Variants in GRM5 observed in about 807,000 individuals in gnomAD.
The protein encoded by GRM5 is glutamate metabotropic receptor 5, also known as metabotropic glutamate receptor 5.
A neutral mutation model predicts 83.1 loss-of-function variants in GRM5; 19 were observed. The ratio of observed to expected loss-of-function variants is 0.23; its 90% CI spans 0.16 to 0.34. The LOEUF is 0.34. GRM5 is among the 10% of genes least tolerant of loss of function. The pLI is 1.00. For synonymous variants in GRM5, 675 were observed against 633.6 expected (o/e 1.07, Z -0.98); for missense variants, 1,160 against 1,588.3 (o/e 0.73, Z 4.58).
chr11:88,604,997 G>A (rs3816649), intron 4 of GRM5, 33 bp from the exon 5 acceptor site: 1,449,768 of 1,582,228 alleles, frequency 0.92, 667,033 homozygotes, highest in Non-Finnish European at 0.94. Context: ...TAGCTTTGAG[G>A]TACAAATCTA....
intron 2 of GRM5, among the ~76,000 whole-genome samples, chr11:89,040,094 T>C (rs1273747168): frequency 6.6e-6 from 1 of 152,090 alleles, no homozygotes; most frequent in Non-Finnish European, 1.5e-5. Context: ...AGAAACTTAG[T>C]CTTGAAAGAA....
intron 3 of GRM5, among the ~76,000 whole-genome samples, chr11:88,822,110 G>T (rs1260687601): frequency 6.6e-6 from 1 of 152,110 alleles, no homozygotes; most frequent in African/African-American, 2.4e-5. Context: ...CATATTTTGT[G>T]AGCAACTGCC....
intron 8 of GRM5, among the ~76,000 whole-genome samples, chr11:88,535,173 G>A (rs1401781575): frequency 2.0e-5 from 3 of 152,032 alleles, no homozygotes; most frequent in Non-Finnish European, 4.4e-5. Context: ...CCTTTGCATT[G>A]TCACATTCTT....
rs986712831 is a variant in GRM5 at position 88,505,596 on chromosome 11, G to A, written c.*2996C>T. The A allele has an allele frequency of 3.9e-5, 6 of 152,098 alleles. No individual in the cohort carries two copies. Among genetic ancestry groups the A allele is most frequent in the Admixed American group, 2.6e-4 (4 of 15,268 alleles). The allele number at this position is 152,098 out of a possible 1,614,324, so 9.4% of individuals were successfully genotyped here. ...TTCCCCATCCCTAGCCCAGAAAGAC[G>A]GTTCTTCCCAATCCAGATATGTTCT... On this transcript the variant is annotated 3_prime_UTR_variant, in exon 10 of 10. Transcript: ENST00000305447.
In GRM5 at chr11:88,758,473, A is replaced by C. The variant is rs561722958; in HGVS notation, c.911+91433T>G. Among the ~76,000 whole-genome samples, 8 of 152,354 alleles carry C rather than the reference A, an allele frequency of 5.3e-5. No individual in the cohort carries two copies. In the East Asian group the frequency reaches 1.5e-3, roughly 29 times the overall value. On this transcript the variant is annotated intron_variant, in intron 3 of 9. Transcript: ENST00000305447. ...TATCAAGTAATAAGCAAAATAGACCATACTGAAGAAAGAACCTCAGAGCTT... is the reference window on the plus strand; with the variant it reads ...TATCAAGTAATAAGCAAAATAGACCCTACTGAAGAAAGAACCTCAGAGCTT...
chr11:88,535,221 A>T (rs114830022), intron 8 of GRM5, among the ~76,000 whole-genome samples: 168 of 152,284 alleles, frequency 1.1e-3, no homozygotes, highest in African/African-American at 3.9e-3. Flanking sequence ...CACGATGTAG[A>T]CACTGATTAG....
At chr11:88,597,117 A>T (rs575785193) in intron 6 of GRM5, 67 bp downstream of exon 6, 8 of 1,009,624 alleles carry the variant, frequency 7.9e-6, no homozygotes, top group South Asian at 7.8e-5. Context: ...ATTTTTAAAA[A>T]TAGCCAATGA....
intron 2 of GRM5, among the ~76,000 whole-genome samples, chr11:88,996,002 G>T (rs1464231897): frequency 6.9e-6 from 1 of 144,504 alleles, no homozygotes; most frequent in Non-Finnish European, 1.5e-5. Context: ...AAAAAGAAAA[G>T]AAAAAAAAAA....
chr11:89,041,881 C>G (rs1376615898), intron 2 of GRM5, among the ~76,000 whole-genome samples: 1 of 152,108 alleles, frequency 6.6e-6, no homozygotes, highest in Non-Finnish European at 1.5e-5. Flanking sequence ...TACAATCAAT[C>G]CATAATTTCA....
At chr11:88,721,590 C>G (rs577802334) in intron 3 of GRM5, among the ~76,000 whole-genome samples, 3 of 152,046 alleles carry the variant, frequency 2.0e-5, no homozygotes, top group Non-Finnish European at 4.4e-5. Flanking sequence ...TTATTCCAAA[C>G]AAGAATAAAC....
chr11:88,685,580 G>A (rs1290107819), intron 3 of GRM5, among the ~76,000 whole-genome samples: 1 of 152,176 alleles, frequency 6.6e-6, no homozygotes, highest in Non-Finnish European at 1.5e-5. Context: ...AGATCTTCAT[G>A]GCAGGCCCTC....
chr11:88,915,022 T>TA (rs1750086470), intron 2 of GRM5, among the ~76,000 whole-genome samples: 1 of 152,168 alleles, frequency 6.6e-6, no homozygotes, highest in Non-Finnish European at 1.5e-5. Context: ...TTTAATGGTT[T>TA]TGTTAGTAAC....
chr11:88,778,107 C>T (rs7127225), intron 3 of GRM5, among the ~76,000 whole-genome samples: 109,654 of 151,802 alleles, frequency 0.72, 40,035 homozygotes, highest in African/African-American at 0.75. Flanking sequence ...TGATGGGCTC[C>T]GCCCATTTGG....
At chr11:89,060,318 G>A (rs1296618723) in intron 1 of GRM5, among the ~76,000 whole-genome samples, 4 of 150,288 alleles carry the variant, frequency 2.7e-5, no homozygotes, top group Non-Finnish European at 5.9e-5. Flanking sequence ...ATATATGAAT[G>A]AAATATATGT....
At chr11:88,536,426 C>G (rs1451448326) in intron 8 of GRM5, among the ~76,000 whole-genome samples, 1 of 152,118 alleles carries the variant, frequency 6.6e-6, no homozygotes, top group Middle Eastern at 3.2e-3. Flanking sequence ...CCAGTTATAG[C>G]AAATTTTGGA....
chr11:88,613,625 T>C (rs1026336943), intron 4 of GRM5, among the ~76,000 whole-genome samples: 1 of 152,188 alleles, frequency 6.6e-6, no homozygotes, highest in African/African-American at 2.4e-5. Flanking sequence ...TGGGTCTTGC[T>C]TCTTTATCCA....
intron 2 of GRM5, among the ~76,000 whole-genome samples, chr11:88,855,036 A>T (rs1328792447): frequency 6.6e-6 from 1 of 151,884 alleles, no homozygotes. Context: ...TTTTTCTGGC[A>T]AAATAGCCAT....
intron 9 of GRM5, among the ~76,000 whole-genome samples, chr11:88,519,058 A>T (rs551502086): frequency 6.7e-6 from 1 of 149,688 alleles, no homozygotes; most frequent in South Asian, 2.1e-4. Context: ...GGTAAAATAC[A>T]TTAGAATTAT....
rs200128624 is a variant in GRM5, at chr11:89,047,438, C to A, written c.435G>T (p.Gly145=). 4 of 1,614,028 alleles carry A rather than the reference C, an allele frequency of 2.5e-6. No homozygotes were observed. Among genetic ancestry groups the A allele is most frequent in the Middle Eastern group, 1.6e-4 (1 of 6,062 alleles). The part of the protein sequence containing the change: ...SSFRSKKPIV[G]VIGPGSSSVA... ...CAGAACTGGAGCCAGGCCCAATGACCCCTACTATGGGCTTCTTGGAGCGGA... is the reference window on the plus strand; with the variant it reads ...CAGAACTGGAGCCAGGCCCAATGACACCTACTATGGGCTTCTTGGAGCGGA... The change falls in exon 2 of 10, where the codon GGG becomes GGT. Residue 145 remains glycine, a synonymous_variant. Coordinates refer to ENST00000305447, the MANE Select transcript of GRM5 (RefSeq NM_001143831.3). This position sits in a 1 kb window ranked among gnomAD's most constrained non-coding sequence, Gnocchi z 5.1.
Sources: allele counts gnomAD v4.1 joint callset (sites outside exome capture counted in the v4.1 genomes callset), GRCh38; gene constraint gnomAD v4.1.1; non-coding constraint Gnocchi (gnomAD v3.1); transcripts MANE v1.5; gene names NCBI Gene and HGNC (gene_info 2026-07-23, HGNC 2026-07-21).